The following CPQ variants were observed in gnomAD, a reference collection of about 807,000 sequenced individuals.
CPQ encodes Ser-Met dipeptidase.
CPQ carries 37 observed loss-of-function variants against 45.7 expected under a neutral mutation model. The ratio of observed to expected loss-of-function variants is 0.81; its 90% CI spans 0.62 to 1.07. The LOEUF is 1.07. Among genes scored for constraint, CPQ ranks in the 50% least tolerant of loss-of-function variants. The pLI is 0.00. For missense variants in CPQ, 537 were observed against 572.9 expected, an observed-to-expected ratio of 0.94 and a Z score of 0.64; for synonymous variants, 186 against 205.8, an observed-to-expected ratio of 0.90 and a Z score of 0.82.
chr8:97,105,653 A>G (rs1399015459), intron 7 of CPQ, among the ~76,000 whole-genome samples: 1 of 152,180 alleles, frequency 6.6e-6, no homozygotes, highest in Admixed American at 6.5e-5. Flanking sequence ...AGTTTAGTAA[A>G]ACACTTGTAG....
chr8:96,879,878 T>A lies in CPQ; in HGVS notation c.722T>A (p.Met241Lys), dbSNP rs1323811071. 1.2e-6 allele frequency: 2 copies of A among 1,613,930 alleles called. No individual in the cohort carries two copies. Among genetic ancestry groups the A allele is most frequent in the Non-Finnish European group, 1.7e-6 (2 of 1,180,008 alleles). Residue 241 changes from methionine (M) to lysine (K), a missense_variant, in exon 4 of 8, where the codon ATG becomes AAG. Coordinates refer to ENST00000220763, the MANE Select transcript of CPQ (RefSeq NM_016134.4). Reference protein sequence around the residue: ...TACITVEDAEMMSRMASHGIK... With the variant: ...TACITVEDAEKMSRMASHGIK... The stretch of plus-strand genomic sequence containing the variant: ...TGTATTACGGTGGAAGATGCAGAAA[T>A]GATGTCAAGAATGGCTTCTCATGGG...
At chr8:96,908,440 G>A (rs1812609634) in intron 4 of CPQ, among the ~76,000 whole-genome samples, 1 of 152,092 alleles carries the variant, frequency 6.6e-6, no homozygotes, top group Admixed American at 6.6e-5. Context: ...ATTGATAACA[G>A]TGAAAGCTGC....
chr8:96,740,252 G>T lies in CPQ; in HGVS notation c.-34-44612G>T, dbSNP rs896701178. ...GTGAATGGGAGTTCACTCATGATTT[G>T]GCTCTCTGTTTGTCTGTTGTTGGTG... On this transcript the variant is annotated intron_variant, in intron 1 of 7. Transcript: ENST00000220763. Among the ~76,000 whole-genome samples the T allele has an allele frequency of 2.8e-3, 427 of 152,174 alleles. 4 individuals carry two copies. The highest frequency in any genetic ancestry group is 9.7e-3 in the African/African-American group (403 of 41,492).
chr8:96,836,843 C>T (rs1161758665), intron 3 of CPQ, among the ~76,000 whole-genome samples: 1 of 150,730 alleles, frequency 6.6e-6, no homozygotes, highest in African/African-American at 2.4e-5. Context: ...ACCCAAGCTA[C>T]AACTTAGGAG....
At chr8:96,997,295 G>A (rs534346877) in intron 5 of CPQ, among the ~76,000 whole-genome samples, 126 of 151,990 alleles carry the variant, frequency 8.3e-4, no homozygotes, top group African/African-American at 3.0e-3. Context: ...ACAGACCCTA[G>A]AGAGCTAGGA....
chr8:96,891,129 C>T (rs1309762333), intron 4 of CPQ, among the ~76,000 whole-genome samples: 1 of 152,190 alleles, frequency 6.6e-6, no homozygotes, highest in South Asian at 2.1e-4. Context: ...CACATTGCCA[C>T]ACTTTTTTAG....
chr8:96,715,191 G>C (rs910335305), intron 1 of CPQ, among the ~76,000 whole-genome samples: 2 of 152,232 alleles, frequency 1.3e-5, no homozygotes, highest in African/African-American at 4.8e-5. Context: ...GCAATACCCA[G>C]TGGTGGGCAG....
At chr8:96,773,858 G>A (rs1050011423) in intron 1 of CPQ, among the ~76,000 whole-genome samples, 2 of 152,140 alleles carry the variant, frequency 1.3e-5, no homozygotes, top group Non-Finnish European at 2.9e-5. Context: ...GAGCAAGAGA[G>A]TGCTTCCTTC....
chr8:96,709,297 G>GGTTGGTATA (rs1211984515), intron 1 of CPQ, among the ~76,000 whole-genome samples: 1 of 151,958 alleles, frequency 6.6e-6, no homozygotes, highest in Non-Finnish European at 1.5e-5. Context: ...CAAGCTGTAT[G>GGTTGGTATA]CCTTTGCATA....
At chr8:97,043,626 G>A (rs6468530) in intron 6 of CPQ, among the ~76,000 whole-genome samples, 85,927 of 152,008 alleles carry the variant, frequency 0.57, 26,540 homozygotes, top group Non-Finnish European at 0.7. Flanking sequence ...GGCTGCTACC[G>A]GTTGTTCCTT....
chr8:97,118,100 A>G (rs1416411015), intron 7 of CPQ, among the ~76,000 whole-genome samples: 1 of 152,216 alleles, frequency 6.6e-6, no homozygotes, highest in East Asian at 1.9e-4. Flanking sequence ...AGTCAAAAAG[A>G]TAAAGTGAAT....
chr8:96,872,526 T>A (rs1028633736), intron 3 of CPQ, among the ~76,000 whole-genome samples: 8 of 151,930 alleles, frequency 5.3e-5, no homozygotes, highest in African/African-American at 1.9e-4. Context: ...TAGGAAGTTA[T>A]ATATCTGTGA....
intron 5 of CPQ, among the ~76,000 whole-genome samples, chr8:96,999,073 C>T (rs960427783): frequency 1.1e-4 from 17 of 151,836 alleles, no homozygotes; most frequent in Admixed American, 6.6e-4. Context: ...ACTCTATCAC[C>T]CCCATTTTAC....
At chr8:96,668,815 A>G (rs1458078793) in intron 1 of CPQ, among the ~76,000 whole-genome samples, 1 of 152,100 alleles carries the variant, frequency 6.6e-6, no homozygotes, top group Non-Finnish European at 1.5e-5. Flanking sequence ...TTTGCCTTGT[A>G]TATCTCAGAC....
intron 7 of CPQ, among the ~76,000 whole-genome samples, chr8:97,067,695 A>G (rs1422466968): frequency 6.6e-6 from 1 of 152,214 alleles, no homozygotes; most frequent in Admixed American, 6.5e-5. Flanking sequence ...CTGTACTCTA[A>G]TAGAAAGACC....
intron 2 of CPQ, among the ~76,000 whole-genome samples, chr8:96,831,766 T>C (rs1811463362): frequency 6.6e-6 from 1 of 152,140 alleles, no homozygotes; most frequent in African/African-American, 2.4e-5. Flanking sequence ...TGGACTTTCA[T>C]GAAACAAGTC....
At chr8:96,652,905 A>G (rs1815593666) in intron 1 of CPQ, among the ~76,000 whole-genome samples, 1 of 152,146 alleles carries the variant, frequency 6.6e-6, no homozygotes, top group Admixed American at 6.5e-5. Context: ...AAGTACTGGG[A>G]TTACAGGCGT....
At chr8:97,138,408 C>G (rs1812100220) in intron 7 of CPQ, among the ~76,000 whole-genome samples, 1 of 152,148 alleles carries the variant, frequency 6.6e-6, no homozygotes, top group Non-Finnish European at 1.5e-5. Flanking sequence ...TGGAGAAAAT[C>G]TAGATGGCAT....
intron 1 of CPQ, among the ~76,000 whole-genome samples, chr8:96,721,888 T>C (rs1809768124): frequency 6.6e-6 from 1 of 152,182 alleles, no homozygotes; most frequent in African/African-American, 2.4e-5. Flanking sequence ...TTTATTTTTC[T>C]TTTTCCGGAA....
Sources: gnomAD v4.1 joint callset for allele counts (sites outside exome capture counted in the v4.1 genomes callset) on GRCh38, gnomAD v4.1.1 for gene constraint, MANE v1.5 for transcripts, NCBI Gene and HGNC (gene_info 2026-07-23, HGNC 2026-07-21) for gene names.